Variants in TNS3 observed in about 807,000 individuals in gnomAD.
The protein encoded by TNS3 is tensin 3.
TNS3 carries 45 observed loss-of-function variants against 140.9 expected under a neutral mutation model. The ratio of observed to expected loss-of-function variants is 0.32; its 90% CI spans 0.25 to 0.41. The LOEUF is 0.41. Among genes scored for constraint, TNS3 ranks in the 10% least tolerant of loss-of-function variants. The pLI, the probability that TNS3 is intolerant of heterozygous loss-of-function variation, is 1.00. For synonymous variants in TNS3, 815 were observed against 788.4 expected (o/e 1.03, Z -0.56); for missense variants, 1,716 against 1,906.7 (o/e 0.90, Z 1.86).
intron 16 of TNS3, among the ~76,000 whole-genome samples, chr7:47,379,342 G>C (rs1245150619): frequency 6.6e-6 from 1 of 152,178 alleles, no homozygotes; most frequent in Non-Finnish European, 1.5e-5. Context: ...TTTATAATTA[G>C]AGCATGTATA....
intron 2 of TNS3, among the ~76,000 whole-genome samples, chr7:47,510,371 GCCT>G (rs546108942): frequency 1.5e-4 from 23 of 152,284 alleles, no homozygotes; most frequent in African/African-American, 5.3e-4. Context: ...AGGCAGACCC[GCCT>G]CCTTTTTGGA....
chr7:47,409,937 G>A (rs770857097), intron 13 of TNS3, among the ~76,000 whole-genome samples: 25 of 152,186 alleles, frequency 1.6e-4, no homozygotes, highest in African/African-American at 4.1e-4. Context: ...GATTACAGGC[G>A]TGAGCCACTG....
At chr7:47,393,091 A>C (rs1246396372) in intron 16 of TNS3, among the ~76,000 whole-genome samples, 1 of 152,242 alleles carries the variant, frequency 6.6e-6, no homozygotes, top group Non-Finnish European at 1.5e-5. Flanking sequence ...GGGTTAAGTG[A>C]AAAACTCAGG....
At chr7:47,513,288 G>T (rs1798670165) in intron 2 of TNS3, among the ~76,000 whole-genome samples, 1 of 152,120 alleles carries the variant, frequency 6.6e-6, no homozygotes, top group Non-Finnish European at 1.5e-5. Flanking sequence ...TCCTGCCTCA[G>T]CCTCTAGGGT....
At chr7:47,297,799 T>A (rs184082931) in intron 23 of TNS3, among the ~76,000 whole-genome samples, 170 of 151,086 alleles carry the variant, frequency 1.1e-3, no homozygotes, top group Non-Finnish European at 1.9e-3. Flanking sequence ...TTTTTTTTTT[T>A]TTTTTTGAGA....
Position 47,302,958 on chromosome 7 carries a change from G to A in TNS3, c.3449C>T (p.Pro1150Leu), listed in dbSNP as rs199534852. ...DFSKASEAAS[P>L]LPDSPGDKLV... ...GCTGGAAACACACCTACCTGGCAGA[G>A]GTGAGGCCGCTTCTGAAGCCTTGGA... The change falls in exon 22 of 31, where the codon CCT becomes CTT. Residue 1150 changes from proline (P) to leucine (L), a missense_variant. Pro to Leu is a moderately conservative substitution (Grantham distance 98, BLOSUM62 -3). Coordinates refer to ENST00000311160, the MANE Select transcript of TNS3 (RefSeq NM_022748.12). The A allele has an allele frequency of 5.3e-4, 846 of 1,603,574 alleles. No homozygotes were observed. Among genetic ancestry groups the A allele is most frequent in the Non-Finnish European group, 6.5e-4 (767 of 1,173,196 alleles).
At chr7:47,461,511 G>A (rs1009712954) in intron 4 of TNS3, among the ~76,000 whole-genome samples, 6 of 152,154 alleles carry the variant, frequency 3.9e-5, no homozygotes, top group East Asian at 3.9e-4. Context: ...GATGAAGACC[G>A]AAGGGGCCCA....
chr7:47,464,630 G>A (rs1796628031), intron 4 of TNS3, among the ~76,000 whole-genome samples: 1 of 152,182 alleles, frequency 6.6e-6, no homozygotes, highest in South Asian at 2.1e-4. Context: ...GTCTGAGTGG[G>A]CACAAAGAGT....
chr7:47,475,264 CG>C (rs1466207043), intron 4 of TNS3, among the ~76,000 whole-genome samples: 1 of 152,252 alleles, frequency 6.6e-6, no homozygotes, highest in Non-Finnish European at 1.5e-5. Flanking sequence ...CCACTGGCCT[CG>C]GGTGAGGTGA....
intron 1 of TNS3, among the ~76,000 whole-genome samples, chr7:47,545,903 C>T (rs934783287): frequency 4.6e-5 from 7 of 152,202 alleles, no homozygotes; most frequent in South Asian, 2.1e-4. Flanking sequence ...AAACTCCACC[C>T]CTACCACTTA....
chr7:47,363,890 A>G (rs1369877213), intron 17 of TNS3, among the ~76,000 whole-genome samples: 1 of 152,190 alleles, frequency 6.6e-6, no homozygotes, highest in African/African-American at 2.4e-5. Context: ...TCCTATTCAC[A>G]CATGGATCTA....
intron 3 of TNS3, among the ~76,000 whole-genome samples, chr7:47,482,240 A>G (rs2941540): frequency 0.99 from 150,614 of 152,344 alleles, 74,480 homozygotes; most frequent in East Asian, 1. Context: ...TGTGGTTTGG[A>G]GTGGGCGGCG....
In TNS3 at chr7:47,418,766, C is replaced by G. The variant is rs1794216616; in HGVS notation, c.474-3560G>C. Among the ~76,000 whole-genome samples the G allele has an allele frequency of 2.0e-5, 3 of 152,256 alleles. 1 individual carries two copies. The South Asian group carries it at 6.2e-4, about 31-fold the overall frequency. On this transcript the variant is annotated intron_variant, in intron 10 of 30. Coordinates refer to ENST00000311160, the MANE Select transcript of TNS3 (RefSeq NM_022748.12). ...TCCCTTGCATTATTCACAGCCACTT[C>G]TAACAGCAAAAACTTCCATTTGGAA... is the stretch of plus-strand genomic sequence containing the variant.
chr7:47,466,061 A>G (rs1192775269), intron 4 of TNS3, among the ~76,000 whole-genome samples: 1 of 152,166 alleles, frequency 6.6e-6, no homozygotes, highest in Non-Finnish European at 1.5e-5. Context: ...TTTCTCTGCC[A>G]TACGTGTTTT....
chr7:47,280,427 G>T, intron 28 of TNS3, 73 bp from the exon 29 acceptor site: 1 of 1,368,394 alleles, frequency 7.3e-7, no homozygotes, highest in Non-Finnish European at 1.0e-6. Flanking sequence ...GCACTGGGCG[G>T]GCTCTCCCAT....
At chr7:47,508,684 C>T (rs1210285894) in intron 2 of TNS3, among the ~76,000 whole-genome samples, 2 of 152,232 alleles carry the variant, frequency 1.3e-5, no homozygotes, top group East Asian at 3.8e-4. Context: ...CCCCCTCCCA[C>T]AGTGAATCAG....
intron 1 of TNS3, among the ~76,000 whole-genome samples, chr7:47,557,868 A>G (rs1800236335): frequency 6.6e-6 from 1 of 152,240 alleles, no homozygotes; most frequent in African/African-American, 2.4e-5. Context: ...CCACAGTTCA[A>G]GAATGTGTGT....
At chr7:47,532,191 G>A (rs1292572278) in intron 1 of TNS3, among the ~76,000 whole-genome samples, 2 of 152,178 alleles carry the variant, frequency 1.3e-5, no homozygotes, top group East Asian at 3.9e-4. Flanking sequence ...GCCTTGAATG[G>A]CAGCGGTAGG....
rs1288322058 is a variant in TNS3, at chr7:47,292,970, T to C, written c.3773-65A>G. On this transcript the variant is annotated intron_variant, in intron 25 of 30. Coordinates refer to ENST00000311160, the MANE Select transcript of TNS3 (RefSeq NM_022748.12). ...CTGTAGATGTTGTGTGCTCAGCCAA[T>C]TTATCAGCTGGAATGAAACGGATGC... 3.5e-6 allele frequency: 5 copies of C among 1,434,702 alleles called. No homozygotes were observed. In the East Asian group the frequency reaches 1.2e-4, roughly 33 times the overall value. The allele number at this position is 1,434,702 out of a possible 1,614,324, so 88.9% of individuals were successfully genotyped here.
Sources: gnomAD v4.1 joint callset for allele counts (sites outside exome capture counted in the v4.1 genomes callset) on GRCh38, gnomAD v4.1.1 for gene constraint, MANE v1.5 for transcripts, NCBI Gene and HGNC (gene_info 2026-07-23, HGNC 2026-07-21) for gene names.